Variants in SLC12A8 observed in about 807,000 individuals in gnomAD.
SLC12A8 encodes the protein cation-chloride cotransporter 9.
Under a neutral mutation model 75.6 loss-of-function variants are expected in SLC12A8, and 69 were observed. The observed-to-expected ratio is 0.91, with a 90% CI of 0.75 to 1.11. The LOEUF (loss-of-function observed/expected upper bound fraction) is 1.11, where lower values mean the gene tolerates loss of function less well. Ranked by LOEUF, SLC12A8 falls within the 50% of genes most tolerant of loss-of-function variation. The probability of loss-of-function intolerance (pLI) is 0.00; values close to 1 mark genes in which losing one functional copy is unlikely to be tolerated. For missense variants in SLC12A8, 877 were observed against 896.7 expected (o/e 0.98, Z 0.28); for synonymous variants, 365 against 372.8 (o/e 0.98, Z 0.24).
chr3:125,166,530 G>A (rs772579782), intron 5 of SLC12A8, among the ~76,000 whole-genome samples: 2 of 152,154 alleles, frequency 1.3e-5, no homozygotes, highest in Non-Finnish European at 2.9e-5. Context: ...GGCAGACAAG[G>A]CCTCTGCGTC....
At chr3:125,113,233 GCC>G (rs1395276321) in intron 8 of SLC12A8, among the ~76,000 whole-genome samples, 2 of 152,124 alleles carry the variant, frequency 1.3e-5, no homozygotes, top group Non-Finnish European at 2.9e-5. Context: ...TTCCTCCAGA[GCC>G]CTAGGAGCTG....
rs1938388235 is a variant in SLC12A8, at chr3:125,083,795, G to A, written c.*95C>T. 17 of 1,235,772 alleles carry A rather than the reference G, an allele frequency of 1.4e-5. No homozygotes were observed. The South Asian group carries it at 2.3e-4, about 17-fold the overall frequency. The allele number at this position is 1,235,772 out of a possible 1,614,324, so 76.6% of individuals were successfully genotyped here. On this transcript the variant is annotated 3_prime_UTR_variant, in exon 14 of 14. Transcript: ENST00000469902. ...GTGACAGCGGGAGGATGGGTCTTGA[G>A]TTTCTCAGGTTGGAGAAGCAGCTCC... is the stretch of plus-strand genomic sequence containing the variant.
At chr3:125,149,653 G>A (rs964351416) in intron 5 of SLC12A8, among the ~76,000 whole-genome samples, 6 of 152,102 alleles carry the variant, frequency 3.9e-5, no homozygotes, top group East Asian at 1.9e-4. Context: ...GGTAGAACAA[G>A]TCAAAGAACA....
intron 2 of SLC12A8, among the ~76,000 whole-genome samples, chr3:125,202,787 C>T (rs948951585): frequency 2.6e-5 from 4 of 151,960 alleles, no homozygotes; most frequent in African/African-American, 9.7e-5. Flanking sequence ...ACATCCCATG[C>T]TTAGAATTAT....
chr3:125,091,639 C>T (rs1273858327), intron 11 of SLC12A8, 83 bp from the exon 12 acceptor site: 4 of 874,118 alleles, frequency 4.6e-6, no homozygotes, highest in Non-Finnish European at 7.8e-6. Context: ...TCTTCAGCAA[C>T]AACATTCCCT....
chr3:125,149,790 CAGAG>C (rs1004808467), intron 5 of SLC12A8, among the ~76,000 whole-genome samples: 4 of 151,940 alleles, frequency 2.6e-5, no homozygotes, highest in Non-Finnish European at 5.9e-5. Context: ...GGAGAAAAAA[CAGAG>C]AGAGAAAAGC....
intron 5 of SLC12A8, among the ~76,000 whole-genome samples, chr3:125,148,887 C>T (rs535653138): frequency 1.3e-4 from 20 of 152,372 alleles, no homozygotes; most frequent in African/African-American, 4.6e-4. Flanking sequence ...GACGCTTCTA[C>T]AGTCACATGG....
intron 6 of SLC12A8, among the ~76,000 whole-genome samples, chr3:125,131,572 G>C (rs1933357392): frequency 6.6e-6 from 1 of 152,228 alleles, no homozygotes; most frequent in African/African-American, 2.4e-5. Context: ...ATTTTTAGTA[G>C]AGATGGGGTT....
In SLC12A8 at chr3:125,135,737, G is replaced by C; in HGVS notation, c.668C>G (p.Thr223Arg). ...TTCCCCCGGGCTGTAATCGGGCAGCGTGTTGTTCTGTAGCAGTTCGGGTGA... is the reference window on the plus strand; with the variant it reads ...TTCCCCCGGGCTGTAATCGGGCAGCCTGTTGTTCTGTAGCAGTTCGGGTGA... ...GYSPELLQNNTLPDYSPGESF... is the reference protein window; with the variant it reads ...GYSPELLQNNRLPDYSPGESF... Residue 223 changes from threonine to arginine, a missense_variant, in exon 6 of 14, where the codon ACG (threonine) becomes AGG (arginine). Thr to Arg is a moderately conservative substitution (Grantham distance 71). Transcript: ENST00000469902. The C allele has an allele frequency of 6.2e-7, 1 of 1,609,692 alleles. No homozygotes were observed. The highest frequency in any genetic ancestry group is 1.3e-5 in the African/African-American group (1 of 74,974).
chr3:125,152,615 G>C (rs1933954536), intron 5 of SLC12A8, among the ~76,000 whole-genome samples: 1 of 152,026 alleles, frequency 6.6e-6, no homozygotes, highest in African/African-American at 2.4e-5. Flanking sequence ...CAGTTGGCAG[G>C]GGGAGAGAGA....
At chr3:125,198,864 A>G (rs1426827100) in intron 2 of SLC12A8, among the ~76,000 whole-genome samples, 12 of 149,086 alleles carry the variant, frequency 8.0e-5, no homozygotes, top group South Asian at 6.4e-4. Flanking sequence ...TGCAAGCTCC[A>G]CCTCTCGAGT....
At chr3:125,140,117 C>T (rs564599888) in intron 5 of SLC12A8, among the ~76,000 whole-genome samples, 1 of 152,366 alleles carries the variant, frequency 6.6e-6, no homozygotes, top group East Asian at 1.9e-4. Flanking sequence ...ATGCCACAGT[C>T]CTTGCCAAGC....
chr3:125,116,190 C>T (rs1383701540), intron 8 of SLC12A8, among the ~76,000 whole-genome samples: 1 of 152,204 alleles, frequency 6.6e-6, no homozygotes, highest in African/African-American at 2.4e-5. Context: ...AACCAGAAGA[C>T]CCAGGTGCTG....
chr3:125,176,349 G>C lies in SLC12A8; in HGVS notation c.622+1394C>G, dbSNP rs556747932. Among the ~76,000 whole-genome samples the C allele has an allele frequency of 1.9e-3, 293 of 152,280 alleles. 1 individual carries two copies. Among genetic ancestry groups the C allele is most frequent in the African/African-American group, 6.9e-3 (285 of 41,552 alleles). ...GCCTCCCAAAGGGCTGGGAATACAG[G>C]CATGAGCCACTGTGCCTGGCCTGGT... On this transcript the variant is annotated intron_variant, in intron 5 of 13. Coordinates refer to ENST00000469902, the MANE Select transcript of SLC12A8 (RefSeq NM_024628.6).
intron 5 of SLC12A8, among the ~76,000 whole-genome samples, chr3:125,137,710 C>A (rs1406828635): frequency 6.6e-6 from 1 of 152,378 alleles, no homozygotes; most frequent in South Asian, 2.1e-4. Context: ...TTTGCCCTGG[C>A]CAGCCTGAAG....
chr3:125,136,485 G>A (rs1450463798), intron 5 of SLC12A8, among the ~76,000 whole-genome samples: 1 of 152,136 alleles, frequency 6.6e-6, no homozygotes, highest in African/African-American at 2.4e-5. Context: ...CGCTAGGTCT[G>A]GCCACAGTAG....
intron 5 of SLC12A8, among the ~76,000 whole-genome samples, chr3:125,153,868 C>T (rs1415730585): frequency 1.3e-5 from 2 of 152,132 alleles, no homozygotes; most frequent in East Asian, 3.9e-4. Context: ...TGGCCTTGAG[C>T]TCTGGACTAG....
intron 13 of SLC12A8, among the ~76,000 whole-genome samples, chr3:125,084,754 C>T (rs1353538633): frequency 1.3e-5 from 2 of 152,220 alleles, no homozygotes; most frequent in African/African-American, 4.8e-5. Flanking sequence ...GTCACAGCTC[C>T]ATCCCTAATC....
At chr3:125,202,757 G>A (rs1485462317) in intron 2 of SLC12A8, among the ~76,000 whole-genome samples, 2 of 151,714 alleles carry the variant, frequency 1.3e-5, no homozygotes, top group African/African-American at 4.9e-5. Flanking sequence ...AAATTAAAGA[G>A]GACACAAACA....
Sources: allele counts gnomAD v4.1 joint callset (sites outside exome capture counted in the v4.1 genomes callset), GRCh38; gene constraint gnomAD v4.1.1; transcripts MANE v1.5; gene names NCBI Gene and HGNC (gene_info 2026-07-23, HGNC 2026-07-21).